Variants in SHISAL2A observed in about 807,000 individuals in gnomAD.
SHISAL2A encodes shisa like 2A.
Under a neutral mutation model 11.5 loss-of-function variants are expected in SHISAL2A, and 18 were observed. That is an observed-to-expected ratio of 1.57 (90% CI 1.08 to 2.33). SHISAL2A has a LOEUF of 2.33. Among genes scored for constraint, SHISAL2A ranks in the 30% most tolerant of loss-of-function variants. The probability of loss-of-function intolerance (pLI) is 0.00; values close to 1 mark genes in which losing one functional copy is unlikely to be tolerated. For synonymous variants in SHISAL2A, 94 were observed against 99.6 expected (o/e 0.94, Z 0.34); for missense variants, 261 against 250.9 (o/e 1.04, Z -0.27).
intron 2 of SHISAL2A, among the ~76,000 whole-genome samples, chr1:52,650,998 A>G (rs1340657110): frequency 5.3e-5 from 8 of 150,414 alleles, no homozygotes; most frequent in African/African-American, 1.7e-4. Flanking sequence ...ATGTAATGTA[A>G]TTGCTAAAAA....
chr1:52,650,354 T>C (rs1034249525), intron 2 of SHISAL2A, among the ~76,000 whole-genome samples: 1 of 152,200 alleles, frequency 6.6e-6, no homozygotes, highest in Non-Finnish European at 1.5e-5. Context: ...GGCACAGCGC[T>C]GGGCAGAGAT....
At chr1:52,657,320 G>A (rs1239803150), downstream of SHISAL2A, among the ~76,000 whole-genome samples, 1 of 152,206 alleles carries the variant, frequency 6.6e-6, no homozygotes, top group African/African-American at 2.4e-5. Context: ...CAACTGGGAA[G>A]TCAGAGAACT....
intron 1 of SHISAL2A, among the ~76,000 whole-genome samples, chr1:52,639,614 G>C (rs572141216): frequency 4.6e-5 from 7 of 152,050 alleles, no homozygotes; most frequent in African/African-American, 1.4e-4. Context: ...TTAGCCGGGC[G>C]TGGTGGCGGG....
At chr1:52,642,653 A>T (rs1487227167) in intron 1 of SHISAL2A, among the ~76,000 whole-genome samples, 1 of 152,038 alleles carries the variant, frequency 6.6e-6, no homozygotes, top group Non-Finnish European at 1.5e-5. Context: ...TTGAATCCTG[A>T]CCCTAAGTGA....
chr1:52,646,399 G>A (rs1395819579), intron 2 of SHISAL2A, among the ~76,000 whole-genome samples: 1 of 151,838 alleles, frequency 6.6e-6, no homozygotes, highest in Non-Finnish European at 1.5e-5. Flanking sequence ...ATTGGCAAAT[G>A]TCCCTACATC....
intron 4 of SHISAL2A, among the ~76,000 whole-genome samples, chr1:52,662,505 C>T (rs1320560202): frequency 6.6e-6 from 1 of 151,128 alleles, no homozygotes; most frequent in African/African-American, 2.4e-5. Context: ...CCAATATGCC[C>T]GGCTAATTTT....
At chr1:52,637,523 T>C (rs1691263580) in intron 1 of SHISAL2A, among the ~76,000 whole-genome samples, 1 of 152,218 alleles carries the variant, frequency 6.6e-6, no homozygotes, top group African/African-American at 2.4e-5. Flanking sequence ...GGAGAAGCAG[T>C]TGGTGCTGTC....
intron 1 of SHISAL2A, among the ~76,000 whole-genome samples, chr1:52,639,534 A>T (rs1558085439): frequency 6.6e-6 from 1 of 152,056 alleles, no homozygotes; most frequent in Non-Finnish European, 1.5e-5. Context: ...CGGGCGGATC[A>T]CGAGGTCAGG....
chr1:52,660,984 T>G (rs542127474), downstream of SHISAL2A, among the ~76,000 whole-genome samples: 20 of 152,306 alleles, frequency 1.3e-4, no homozygotes, highest in East Asian at 3.5e-3. Context: ...AGGAGGTTTC[T>G]GGTACAAGAT....
intron 2 of SHISAL2A, among the ~76,000 whole-genome samples, chr1:52,650,643 C>T (rs1375815452): frequency 8.3e-5 from 9 of 108,116 alleles, no homozygotes; most frequent in Admixed American, 1.2e-4. Context: ...TTTTAAAACC[C>T]TTTTTTTTTT....
At chr1:52,654,420 T>TA (rs1691745661) in intron 2 of SHISAL2A, among the ~76,000 whole-genome samples, 1 of 151,970 alleles carries the variant, frequency 6.6e-6, no homozygotes, top group Non-Finnish European at 1.5e-5. Context: ...TAATAAACAG[T>TA]AAGGAGGATA....
intron 2 of SHISAL2A, among the ~76,000 whole-genome samples, chr1:52,652,583 G>A (rs953266466): frequency 1.3e-5 from 2 of 152,092 alleles, no homozygotes; most frequent in African/African-American, 2.4e-5. Context: ...GTAAATCCCT[G>A]TACAAGTTGG....
Position 52,633,605 on chromosome 1 carries a change from G to C in SHISAL2A, c.112G>C (p.Asp38His), listed in dbSNP as rs1691177986. Residue 38 changes from aspartate to histidine, a missense_variant, in exon 1 of 3, where the codon GAC (aspartate) becomes CAC (histidine). Physicochemically the swap from Asp to His is moderately conservative, Grantham distance 81. Transcript: ENST00000517870. The surrounding 1 kb of genome is among the most constrained non-coding windows in gnomAD (Gnocchi z 6.4). ...AAAVFCCGFR[D>H]HKYCCDDPHS... The stretch of plus-strand genomic sequence containing the variant: ...CGCTGTCTTCTGCTGCGGCTTCCGC[G>C]ACCACAAGTACTGCTGCGACGACCC... The C allele has an allele frequency of 1.9e-6, 3 of 1,612,490 alleles. No homozygotes were observed. Among genetic ancestry groups the C allele is most frequent in the Non-Finnish European group, 2.5e-6 (3 of 1,179,386 alleles).
rs116480423 is a variant in SHISAL2A, at chr1:52,649,363, C to T, written c.322+6361C>T. Among the ~76,000 whole-genome samples, 1,208 of 152,304 alleles carry T rather than the reference C, an allele frequency of 7.9e-3. 10 individuals carry two copies. The highest frequency in any genetic ancestry group is 0.011 in the Non-Finnish European group (759 of 68,036). ...CATAGCCAGTGAGCATGTGTCACTG[C>T]GATGTCAACCCAGATCTCCCAGACT... On this transcript the variant is annotated intron_variant, in intron 2 of 2. Coordinates refer to ENST00000517870, the MANE Select transcript of SHISAL2A (RefSeq NM_001042693.3).
chr1:52,662,793 A>G (rs533139226), intron 4 of SHISAL2A, among the ~76,000 whole-genome samples: 5 of 152,278 alleles, frequency 3.3e-5, no homozygotes, highest in Admixed American at 3.3e-4. Flanking sequence ...CTAGGAACAA[A>G]GAAATGAATC....
chr1:52,658,282 C>T (rs1443025094), downstream of SHISAL2A, among the ~76,000 whole-genome samples: 1 of 152,160 alleles, frequency 6.6e-6, no homozygotes, highest in African/African-American at 2.4e-5. Flanking sequence ...TCAAGTGATC[C>T]GCCTGCCTTG....
At chr1:52,646,490 T>TAC (rs1553252157) in intron 2 of SHISAL2A, among the ~76,000 whole-genome samples, 1 of 86,460 alleles carries the variant, frequency 1.2e-5, no homozygotes, top group Admixed American at 1.4e-4. Context: ...ATTAAATATC[T>TAC]ATACACACAC....
chr1:52,669,268 T>C (rs375506744), exon 6 of SHISAL2A: 1 of 146,974 alleles, frequency 6.8e-6, no homozygotes, highest in African/African-American at 2.5e-5. Context: ...GAACCACCAA[T>C]TGGATCTTTA....
At chr1:52,640,891 G>A (rs1382388780) in intron 1 of SHISAL2A, among the ~76,000 whole-genome samples, 2 of 152,140 alleles carry the variant, frequency 1.3e-5, no homozygotes, top group African/African-American at 4.8e-5. Context: ...TTAGAGCACT[G>A]GAACTTACAG....
Sources: gnomAD v4.1 joint callset for allele counts (sites outside exome capture counted in the v4.1 genomes callset) on GRCh38, gnomAD v4.1.1 for gene constraint, Gnocchi (gnomAD v3.1) non-coding constraint, MANE v1.5 for transcripts, NCBI Gene and HGNC (gene_info 2026-07-23, HGNC 2026-07-21) for gene names.